TRAPPC9: variants seen among roughly 807,000 people sequenced by gnomAD.
The protein encoded by TRAPPC9 is IKK2 binding protein.
A neutral mutation model predicts 124.0 loss-of-function variants in TRAPPC9; 83 were observed. The ratio of observed to expected loss-of-function variants is 0.67; its 90% CI spans 0.56 to 0.80. TRAPPC9 has a LOEUF of 0.80. Among genes scored for constraint, TRAPPC9 ranks in the 30% least tolerant of loss-of-function variants. The pLI, the probability that TRAPPC9 is intolerant of heterozygous loss-of-function variation, is 0.00. For synonymous variants in TRAPPC9, 638 were observed against 617.5 expected (o/e 1.03, Z -0.49); for missense variants, 1,302 against 1,508.3 (o/e 0.86, Z 2.27).
intron 15 of TRAPPC9, among the ~76,000 whole-genome samples, chr8:140,263,073 G>A (rs370652327): frequency 3.3e-5 from 5 of 152,284 alleles, no homozygotes; most frequent in South Asian, 2.1e-4. Flanking sequence ...CACTCAGCCC[G>A]GTGTCCCCAG....
intron 17 of TRAPPC9, among the ~76,000 whole-genome samples, chr8:140,134,129 T>C (rs930562954): frequency 2.6e-5 from 4 of 152,196 alleles, no homozygotes; most frequent in Non-Finnish European, 5.9e-5. Flanking sequence ...GACTCACATG[T>C]CCTGATTTCA....
At chr8:140,022,323 A>T (rs1452284248) in intron 18 of TRAPPC9, among the ~76,000 whole-genome samples, 2 of 152,204 alleles carry the variant, frequency 1.3e-5, no homozygotes, top group African/African-American at 4.8e-5. Flanking sequence ...GAAGACATCA[A>T]ATCTCAATCC....
At chr8:140,189,830 T>C (rs759637421) in intron 17 of TRAPPC9, among the ~76,000 whole-genome samples, 12 of 152,130 alleles carry the variant, frequency 7.9e-5, no homozygotes, top group Admixed American at 5.9e-4. Flanking sequence ...CTCTCTATGG[T>C]CTTATCTTCC....
intron 21 of TRAPPC9, among the ~76,000 whole-genome samples, chr8:139,855,847 G>A (rs184245001): frequency 2.2e-4 from 33 of 152,328 alleles, no homozygotes; most frequent in African/African-American, 6.7e-4. Flanking sequence ...CTTGAGGCAC[G>A]GGCCAAGCCA....
At chr8:139,937,599 A>G (rs912376873) in intron 19 of TRAPPC9, among the ~76,000 whole-genome samples, 4 of 152,088 alleles carry the variant, frequency 2.6e-5, no homozygotes, top group African/African-American at 9.7e-5. Flanking sequence ...AATGTAAGCC[A>G]ACAGAGAGAC....
At chr8:139,751,171 G>A (rs967860166) in intron 21 of TRAPPC9, among the ~76,000 whole-genome samples, 1 of 152,244 alleles carries the variant, frequency 6.6e-6, no homozygotes, top group Non-Finnish European at 1.5e-5. Flanking sequence ...AGCCCACCCA[G>A]CCACAGGTCT....
intron 21 of TRAPPC9, among the ~76,000 whole-genome samples, chr8:139,878,928 C>T (rs974500235): frequency 5.9e-5 from 9 of 152,156 alleles, no homozygotes; most frequent in South Asian, 2.1e-4. Flanking sequence ...CCAGCCTGAG[C>T]GATAAGCAGG....
chr8:140,299,316 G>A (rs1205527345), intron 11 of TRAPPC9, among the ~76,000 whole-genome samples: 1 of 152,182 alleles, frequency 6.6e-6, no homozygotes, highest in East Asian at 1.9e-4. Flanking sequence ...GGGGGGTCAG[G>A]GAGCGCCTGC....
intron 9 of TRAPPC9, among the ~76,000 whole-genome samples, chr8:140,319,610 G>C (rs1165482441): frequency 6.6e-6 from 1 of 152,080 alleles, no homozygotes; most frequent in African/African-American, 2.4e-5. Context: ...GGGACTACAG[G>C]TGTGCACCAC....
chr8:140,172,284 T>C (rs1020358720), intron 17 of TRAPPC9, among the ~76,000 whole-genome samples: 4 of 151,880 alleles, frequency 2.6e-5, no homozygotes, highest in African/African-American at 9.7e-5. Context: ...GCCAGGATGG[T>C]ATCGGATTGA....
At chr8:140,195,826 C>T (rs911367491) in intron 17 of TRAPPC9, among the ~76,000 whole-genome samples, 1 of 150,562 alleles carries the variant, frequency 6.6e-6, no homozygotes, top group African/African-American at 2.5e-5. Flanking sequence ...TACTAAAACA[C>T]TCAATGATCC....
chr8:140,143,639 G>A (rs1345788437), intron 17 of TRAPPC9, among the ~76,000 whole-genome samples: 2 of 152,136 alleles, frequency 1.3e-5, no homozygotes, highest in Admixed American at 6.5e-5. Flanking sequence ...TTTAAGACAG[G>A]CTCCTACATT....
intron 19 of TRAPPC9, among the ~76,000 whole-genome samples, chr8:139,920,230 CA>C (rs1293644668): frequency 2.0e-5 from 3 of 152,154 alleles, no homozygotes; most frequent in Non-Finnish European, 4.4e-5. Flanking sequence ...CCTGTAATCC[CA>C]GCTACTCTGG....
chr8:140,054,654 A>G (rs536256198), intron 17 of TRAPPC9, among the ~76,000 whole-genome samples: 3 of 152,186 alleles, frequency 2.0e-5, no homozygotes, highest in Non-Finnish European at 4.4e-5. Flanking sequence ...TAGTGGGACT[A>G]AAAAACGAAG....
chr8:139,918,163 T>C (rs969484576), intron 19 of TRAPPC9, among the ~76,000 whole-genome samples: 1 of 152,206 alleles, frequency 6.6e-6, no homozygotes, highest in African/African-American at 2.4e-5. Flanking sequence ...CACTGTAAAT[T>C]GGAGGTTGCG....
intron 18 of TRAPPC9, among the ~76,000 whole-genome samples, chr8:139,996,158 CAAAAAAAAAAAAAA>C: frequency 1.2e-3 from 23 of 19,424 alleles, no homozygotes; most frequent in Admixed American, 8.1e-3. Context: ...AAAACTTAAG[CAAAAAAAAAAAAAA>C]AAAAAAAAAA....
upstream of TRAPPC9, chr8:140,458,522 TC>T: frequency 6.3e-7 from 1 of 1,583,376 alleles, no homozygotes; most frequent in Non-Finnish European, 8.6e-7. Context: ...TGGGCCGGCT[TC>T]CCCCTGTGTG....
chr8:139,918,744 G>A (rs1832312539), intron 19 of TRAPPC9, among the ~76,000 whole-genome samples: 1 of 152,230 alleles, frequency 6.6e-6, no homozygotes, highest in Non-Finnish European at 1.5e-5. Flanking sequence ...TTTAAGTATT[G>A]TTTTCTTCAG....
intron 14 of TRAPPC9, among the ~76,000 whole-genome samples, chr8:140,279,870 G>T (rs1041399392): frequency 6.6e-6 from 1 of 152,208 alleles, no homozygotes; most frequent in African/African-American, 2.4e-5. Context: ...CAGGACAAAT[G>T]ACAAAGTTAA....
Sources: gnomAD v4.1 joint callset for allele counts (sites outside exome capture counted in the v4.1 genomes callset) on GRCh38, gnomAD v4.1.1 for gene constraint, MANE v1.5 for transcripts, NCBI Gene and HGNC (gene_info 2026-07-23, HGNC 2026-07-21) for gene names.